Variants in IGF2R observed in about 807,000 individuals in gnomAD.
The protein encoded by IGF2R is cation-independent mannose-6-phosphate receptor.
Under a neutral mutation model 270.6 loss-of-function variants are expected in IGF2R, and 91 were observed. The ratio of observed to expected loss-of-function variants is 0.34; its 90% CI spans 0.28 to 0.40. The LOEUF (loss-of-function observed/expected upper bound fraction) is 0.40, where lower values mean the gene tolerates loss of function less well. IGF2R is among the 10% of genes least tolerant of loss of function. The probability of loss-of-function intolerance (pLI) is 1.00; values close to 1 mark genes in which losing one functional copy is unlikely to be tolerated. For synonymous variants in IGF2R, 1,316 were observed against 1,258.9 expected (o/e 1.05, Z -0.96); for missense variants, 2,805 against 3,188.3 (o/e 0.88, Z 2.90).
At position 160,111,235 on chromosome 6, in the gene IGF2R, C is replaced by T. The variant is rs527905539; in HGVS notation, c.*6151C>T. On this transcript the variant is annotated 3_prime_UTR_variant, in exon 48 of 48. Transcript: ENST00000356956. Reference sequence around the variant, plus strand: ...TGAACTCTGTGGGTCCACTTACATGCGGTTTTTTTTTTCTGTAAAAGTTAC... The same window carrying T: ...TGAACTCTGTGGGTCCACTTACATGTGGTTTTTTTTTTCTGTAAAAGTTAC... The T allele has an allele frequency of 5.4e-5, 8 of 147,934 alleles. No homozygotes were observed. Among genetic ancestry groups the T allele is most frequent in the South Asian group, 2.1e-4 (1 of 4,730 alleles). 9.2% of individuals were successfully genotyped at this position (147,934 alleles called of 1,614,324 possible).
intron 3 of IGF2R, among the ~76,000 whole-genome samples, chr6:160,009,797 C>T (rs1175105271): frequency 6.6e-6 from 1 of 152,178 alleles, no homozygotes; most frequent in Non-Finnish European, 1.5e-5. Flanking sequence ...AGAACCCAAT[C>T]TTTAGGAAAG....
chr6:160,103,157 G>A (rs1291281190), intron 46 of IGF2R, among the ~76,000 whole-genome samples: 2 of 152,068 alleles, frequency 1.3e-5, no homozygotes, highest in Non-Finnish European at 2.9e-5. Context: ...TGACCTGGGG[G>A]CAGGAGCTGG....
At chr6:159,999,049 A>G (rs1391304394) in intron 2 of IGF2R, among the ~76,000 whole-genome samples, 1 of 152,170 alleles carries the variant, frequency 6.6e-6, no homozygotes, top group African/African-American at 2.4e-5. Flanking sequence ...GAGAGGCTGA[A>G]GAAGGAGGCT....
In IGF2R at chr6:160,009,490, G is replaced by C. The variant is rs183401931; in HGVS notation, c.414+356G>C. On this transcript the variant is annotated intron_variant, in intron 3 of 47. Coordinates refer to ENST00000356956, the MANE Select transcript of IGF2R (RefSeq NM_000876.4). ...GATAGGTTTTAGGGCAGCATATTTA[G>C]TTTTTTAAAAAATATTTTTCTTTCC... Among the ~76,000 whole-genome samples, 21 of 152,018 alleles carry C rather than the reference G, an allele frequency of 1.4e-4. 1 individual carries two copies. In the East Asian group the frequency reaches 4.1e-3, roughly 29 times the overall value.
chr6:159,999,257 G>A (rs1303980303), intron 2 of IGF2R, among the ~76,000 whole-genome samples: 2 of 152,200 alleles, frequency 1.3e-5, no homozygotes, highest in Admixed American at 1.3e-4. Context: ...GGGAGGATTC[G>A]TGATAATTAC....
intron 46 of IGF2R, among the ~76,000 whole-genome samples, chr6:160,103,203 C>T (rs1779529181): frequency 1.3e-5 from 2 of 152,004 alleles, no homozygotes; most frequent in African/African-American, 2.4e-5. Flanking sequence ...CTGTCATTTG[C>T]CAGCTGAGCC....
chr6:160,049,350 A>G (rs1778142903), intron 18 of IGF2R, among the ~76,000 whole-genome samples: 1 of 152,180 alleles, frequency 6.6e-6, no homozygotes, highest in Non-Finnish European at 1.5e-5. Flanking sequence ...TTTCTCAGTC[A>G]TTGTTGGAAC....
intron 43 of IGF2R, among the ~76,000 whole-genome samples, chr6:160,089,675 G>A (rs962487404): frequency 1.3e-5 from 2 of 152,246 alleles, no homozygotes; most frequent in Non-Finnish European, 2.9e-5. Context: ...CGGCACCTGA[G>A]GAAGGTGGAT....
At chr6:160,087,946 A>G in intron 41 of IGF2R, 87 bp from the exon 42 acceptor site, 1 of 790,186 alleles carries the variant, frequency 1.3e-6, no homozygotes, top group South Asian at 1.5e-5. Flanking sequence ...AAAGTGTTGG[A>G]ATTGACAGGT....
rs1437198368 is a variant in IGF2R at position 160,061,814 on chromosome 6, G to A, written c.3468G>A (p.Gln1156=). 6.2e-7 allele frequency: 1 copy of A among 1,614,098 alleles called. No homozygotes were observed. The highest frequency in any genetic ancestry group is 1.3e-5 in the African/African-American group (1 of 74,940). The part of the protein sequence containing the change: ...EGNSWNLGVV[Q]MSPQAAANGS... The stretch of plus-strand genomic sequence containing the variant: ...ATAGCTGGAATCTGGGTGTGGTGCA[G>A]ATGAGTCCCCAAGCCGCGGCGAATG... The change falls in exon 25 of 48, where the codon CAG becomes CAA. Residue 1156 remains glutamine (Q), a synonymous_variant. Transcript: ENST00000356956.
rs145913585 is a variant in IGF2R at position 160,024,175 on chromosome 6, A to T, written c.514-397A>T. Among the ~76,000 whole-genome samples the T allele has an allele frequency of 3.0e-3, 458 of 152,300 alleles. 7 individuals carry two copies. Among genetic ancestry groups the T allele is most frequent in the East Asian group, 0.012 (63 of 5,176 alleles). ...TCAAGAGAGAATGGAAGGCAGGAAG[A>T]GGAGAAGACGTGTAGGGACAATTGA... On this transcript the variant is annotated intron_variant, in intron 4 of 47. Coordinates refer to ENST00000356956, the MANE Select transcript of IGF2R (RefSeq NM_000876.4).
rs754611530 is a variant in IGF2R at position 159,969,387 on chromosome 6, G to C, written c.141G>C (p.Glu47Asp). ...STQAQAAPFPELCSYTWEAVD... is the reference protein window; with the variant it reads ...STQAQAAPFPDLCSYTWEAVD... ...AGGCCCAGGCCGCCCCGTTCCCCGAGCTGTGCAGGTGGGTGGCCCGCCCGG... is the reference window on the plus strand; with the variant it reads ...AGGCCCAGGCCGCCCCGTTCCCCGACCTGTGCAGGTGGGTGGCCCGCCCGG... The change falls in exon 1 of 48, where the codon GAG becomes GAC. Residue 47 changes from glutamate (E) to aspartate (D), a missense_variant. By Grantham distance (45) the Glu-to-Asp change is conservative (BLOSUM62 2). This residue lies in a region of IGF2R where 954 missense variants were observed against 981.1 expected (regional missense o/e 0.97). Transcript: ENST00000356956. 7.9e-7 allele frequency: 1 copy of C among 1,263,418 alleles called. No individual in the cohort carries two copies. 78.3% of individuals were successfully genotyped at this position (1,263,418 alleles called of 1,614,324 possible). A position where few individuals can be genotyped will look rare whatever the true frequency, so the allele number is the denominator to read the frequency against.
At chr6:160,049,577 G>A (rs1191244193) in intron 18 of IGF2R, among the ~76,000 whole-genome samples, 2 of 152,154 alleles carry the variant, frequency 1.3e-5, no homozygotes, top group Non-Finnish European at 2.9e-5. Flanking sequence ...TCCAGAGCTG[G>A]AACTTCCGCG....
intron 4 of IGF2R, among the ~76,000 whole-genome samples, 160 bp downstream of exon 4, chr6:160,010,945 G>A (rs561400280): frequency 6.6e-6 from 1 of 152,284 alleles, no homozygotes; most frequent in African/African-American, 2.4e-5. Flanking sequence ...ACTTTTCTGA[G>A]TGGTTCTTAT....
At chr6:160,043,473 A>G (rs1221076641) in intron 12 of IGF2R, among the ~76,000 whole-genome samples, 185 bp downstream of exon 12, 1 of 152,246 alleles carries the variant, frequency 6.6e-6, no homozygotes, top group African/African-American at 2.4e-5. Flanking sequence ...GGAATCCTGA[A>G]GTTGGCTAGA....
intron 5 of IGF2R, among the ~76,000 whole-genome samples, chr6:160,025,101 A>G (rs1192987385): frequency 2.6e-5 from 4 of 152,328 alleles, no homozygotes; most frequent in Non-Finnish European, 4.4e-5. Flanking sequence ...GTCGGGATGC[A>G]TATTTGGCCC....
In IGF2R at chr6:160,084,953, C is replaced by T; in HGVS notation, c.6069-42C>T. On this transcript the variant is annotated intron_variant, in intron 40 of 47. Transcript: ENST00000356956. This position sits in a 1 kb window ranked among gnomAD's most constrained non-coding sequence, Gnocchi z 4.6. ...CCCTCCTGTGTCAGGGCAGAGACGTCACTTGCATGCCTTTTACCTGCCCCT... is the reference window on the plus strand; with the variant it reads ...CCCTCCTGTGTCAGGGCAGAGACGTTACTTGCATGCCTTTTACCTGCCCCT... 2 of 1,591,564 alleles carry T rather than the reference C, an allele frequency of 1.3e-6. No homozygotes were observed. The highest frequency in any genetic ancestry group is 1.7e-6 in the Non-Finnish European group (2 of 1,162,878).
At chr6:160,093,878 A>G (rs905020594) in intron 44 of IGF2R, 2 of 724,698 alleles carry the variant, frequency 2.8e-6, no homozygotes, top group Non-Finnish European at 5.2e-6. Flanking sequence ...TATCGCAGAC[A>G]GGACCATTCA....
intron 1 of IGF2R, among the ~76,000 whole-genome samples, chr6:159,980,183 A>AAAAG (rs57599343): frequency 0.084 from 10,212 of 121,746 alleles, 787 homozygotes; most frequent in Non-Finnish European, 0.11. Flanking sequence ...TCCGTCTCAA[A>AAAAG]AAAGAAAGAA....
Sources: gnomAD v4.1 joint callset for allele counts (sites outside exome capture counted in the v4.1 genomes callset) on GRCh38, gnomAD v4.1.1 for gene constraint, gnomAD v4.1.1 regional missense constraint, Gnocchi (gnomAD v3.1) non-coding constraint, MANE v1.5 for transcripts, NCBI Gene and HGNC (gene_info 2026-07-23, HGNC 2026-07-21) for gene names.